MLANA: variants seen among roughly 807,000 people sequenced by gnomAD.
MLANA encodes the protein melan-A.
In MLANA, 21 loss-of-function variants were observed where a neutral mutation model predicts 15.7. That is an observed-to-expected ratio of 1.33 (90% CI 0.95 to 1.92). MLANA has a LOEUF of 1.92. MLANA is among the 40% of genes most tolerant of loss of function. The probability of loss-of-function intolerance (pLI) is 0.00; values close to 1 mark genes in which losing one functional copy is unlikely to be tolerated. For synonymous variants in MLANA, 56 were observed against 51.5 expected (o/e 1.09, Z -0.37); for missense variants, 164 against 143.8 (o/e 1.14, Z -0.72).
intron 1 of MLANA, chr9:5,891,298 T>A (rs553289471): frequency 6.6e-6 from 1 of 152,326 alleles, no homozygotes; most frequent in Non-Finnish European, 1.5e-5. Flanking sequence ...GGCTCTGAGT[T>A]TGAGGTATGG....
intron 2 of MLANA, among the ~76,000 whole-genome samples, chr9:5,895,480 T>C (rs749271568): frequency 8.5e-5 from 13 of 152,112 alleles, no homozygotes; most frequent in Non-Finnish European, 1.9e-4. Context: ...AGAATATTTA[T>C]CCTTCTCACA....
At chr9:5,895,643 G>T (rs1831965286) in intron 2 of MLANA, among the ~76,000 whole-genome samples, 1 of 152,220 alleles carries the variant, frequency 6.6e-6, no homozygotes, top group South Asian at 2.1e-4. Context: ...AGTCATCCAT[G>T]GAACTTGTTA....
At chr9:5,904,585 G>C (rs907472231) in intron 3 of MLANA, among the ~76,000 whole-genome samples, 3 of 152,014 alleles carry the variant, frequency 2.0e-5, no homozygotes, top group Non-Finnish European at 4.4e-5. Flanking sequence ...TGATTCTCCT[G>C]TCTCAGCCTC....
intron 2 of MLANA, among the ~76,000 whole-genome samples, chr9:5,895,430 T>TG (rs1231169567): frequency 2.0e-5 from 3 of 152,012 alleles, no homozygotes; most frequent in African/African-American, 7.2e-5. Context: ...TCCTGCACAA[T>TG]GGGGCAATCT....
rs1288005581 is a variant in MLANA, at chr9:5,894,285, G to C, written c.77+1734G>C. On this transcript the variant is annotated intron_variant, in intron 2 of 4. Coordinates refer to ENST00000381477, the MANE Select transcript of MLANA (RefSeq NM_005511.2). This position sits in a 1 kb window ranked among gnomAD's most constrained non-coding sequence, Gnocchi z 4.0. ...TGAACAAGGTAACTTTCAGGGTCTAGTCAGGAAGAAACCAACTAGATGGTT... is the reference window on the plus strand; with the variant it reads ...TGAACAAGGTAACTTTCAGGGTCTACTCAGGAAGAAACCAACTAGATGGTT... Among the ~76,000 whole-genome samples, 1 of 152,120 alleles carries C rather than the reference G, an allele frequency of 6.6e-6. No homozygotes were observed. Among genetic ancestry groups the C allele is most frequent in the Non-Finnish European group, 1.5e-5 (1 of 68,022 alleles).
rs1340381980 is a variant in MLANA, at chr9:5,906,872, A to G, written c.175-13A>G. 2 of 1,525,878 alleles carry G rather than the reference A, an allele frequency of 1.3e-6. No individual in the cohort carries two copies. The highest frequency in any genetic ancestry group is 2.9e-5 in the African/African-American group (2 of 70,166). The allele number at this position is 1,525,878 out of a possible 1,614,324, so 94.5% of individuals were successfully genotyped here. ...TCTTCTCACCCACTCACCTTTATCA[A>G]TTTACATTTCAGGATAAAAGTCTTC... On this transcript the variant is annotated splice_polypyrimidine_tract_variant and intron_variant, in intron 3 of 4. Transcript: ENST00000381477.
Position 5,892,508 on chromosome 9 carries a change from T to G in MLANA, c.34T>G (p.Tyr12Asp), listed in dbSNP as rs1248291353. 6.2e-7 allele frequency: 1 copy of G among 1,613,784 alleles called. No individual in the cohort carries two copies. The highest frequency in any genetic ancestry group is 8.5e-7 in the Non-Finnish European group (1 of 1,179,920). ...AGAAGATGCTCACTTCATCTATGGTTACCCCAAGAAGGGGCACGGCCACTC... is the reference window on the plus strand; with the variant it reads ...AGAAGATGCTCACTTCATCTATGGTGACCCCAAGAAGGGGCACGGCCACTC... ...PREDAHFIYGYPKKGHGHSYT... is the reference protein window; with the variant it reads ...PREDAHFIYGDPKKGHGHSYT... Residue 12 changes from tyrosine to aspartate, a missense_variant, in exon 2 of 5, where the codon TAC (tyrosine) becomes GAC (aspartate). Tyr to Asp is a radical substitution (Grantham distance 160). Coordinates refer to ENST00000381477, the MANE Select transcript of MLANA (RefSeq NM_005511.2).
intron 3 of MLANA, among the ~76,000 whole-genome samples, chr9:5,906,343 GA>G (rs1441968284): frequency 5.0e-5 from 7 of 140,652 alleles, no homozygotes; most frequent in Non-Finnish European, 9.3e-5. Context: ...AAAAAAAAAA[GA>G]AAAGAAAAGA....
At chr9:5,897,042 T>C (rs1464201520) in intron 2 of MLANA, among the ~76,000 whole-genome samples, 3 of 152,230 alleles carry the variant, frequency 2.0e-5, no homozygotes, top group Non-Finnish European at 4.4e-5. Flanking sequence ...CTGCCTTTTA[T>C]TTCCTCTTCT....
At chr9:5,908,378 G>A (rs1004970985) in intron 4 of MLANA, among the ~76,000 whole-genome samples, 1 of 152,138 alleles carries the variant, frequency 6.6e-6, no homozygotes, top group African/African-American at 2.4e-5. Context: ...GACTTTTACT[G>A]TCATGGAAAA....
Position 5,909,666 on chromosome 9 carries a change from G to A in MLANA, c.*958G>A, listed in dbSNP as rs1833044912. The A allele has an allele frequency of 6.6e-6, 1 of 152,200 alleles. No homozygotes were observed. Among genetic ancestry groups the A allele is most frequent in the South Asian group, 2.1e-4 (1 of 4,822 alleles). The allele number at this position is 152,200 out of a possible 1,614,324, so 9.4% of individuals were successfully genotyped here. ...GTATTTTCTACTAAACCAGAAATTGGTAGAAGGATTTAAATAAGTAAAAGC... is the reference window on the plus strand; with the variant it reads ...GTATTTTCTACTAAACCAGAAATTGATAGAAGGATTTAAATAAGTAAAAGC... On this transcript the variant is annotated 3_prime_UTR_variant, in exon 5 of 5. Coordinates refer to ENST00000381477, the MANE Select transcript of MLANA (RefSeq NM_005511.2).
intron 3 of MLANA, among the ~76,000 whole-genome samples, chr9:5,903,515 C>T (rs921450991): frequency 2.2e-4 from 33 of 152,214 alleles, no homozygotes; most frequent in African/African-American, 7.7e-4. Context: ...GTAATGTTGG[C>T]CTCATACAAT....
intron 4 of MLANA, 83 bp from the exon 5 acceptor site, chr9:5,908,557 A>ATC: frequency 8.5e-7 from 1 of 1,181,064 alleles, no homozygotes; most frequent in Non-Finnish European, 1.3e-6. Flanking sequence ...AAGTATAAAT[A>ATC]TGTTAACTAT....
Position 5,897,552 on chromosome 9 carries a change from G to A in MLANA, c.78-5G>A, listed in dbSNP as rs759485091. The A allele has an allele frequency of 5.1e-5, 82 of 1,613,642 alleles. 1 individual carries two copies. In the Admixed American group the frequency reaches 1.3e-3, roughly 27 times the overall value. On this transcript the variant is annotated splice_region_variant and splice_polypyrimidine_tract_variant and intron_variant, in intron 2 of 4. Coordinates refer to ENST00000381477, the MANE Select transcript of MLANA (RefSeq NM_005511.2). ...CAAAGTGGATTTGTCTATCTCTTGG[G>A]CCAGGGCCGCTGGGATCGGCATCCT... is the stretch of plus-strand genomic sequence containing the variant.
intron 3 of MLANA, among the ~76,000 whole-genome samples, chr9:5,903,503 G>C (rs1832584561): frequency 6.6e-6 from 1 of 152,082 alleles, no homozygotes; most frequent in Admixed American, 6.5e-5. Context: ...TTTGATATTA[G>C]GGTAATGTTG....
chr9:5,896,603 C>G (rs1344807333), intron 2 of MLANA, among the ~76,000 whole-genome samples: 1 of 152,186 alleles, frequency 6.6e-6, no homozygotes, highest in African/African-American at 2.4e-5. Flanking sequence ...TCTGCAGAAA[C>G]TTTCTTAGCG....
chr9:5,893,604 T>C (rs1831801633), intron 2 of MLANA, among the ~76,000 whole-genome samples: 1 of 152,158 alleles, frequency 6.6e-6, no homozygotes, highest in African/African-American at 2.4e-5. Flanking sequence ...ACATACTCTT[T>C]GAGGGAGGGG....
chr9:5,906,658 T>G (rs1026055482), intron 3 of MLANA, among the ~76,000 whole-genome samples: 3 of 152,266 alleles, frequency 2.0e-5, no homozygotes, highest in Non-Finnish European at 4.4e-5. Context: ...CACTAGAGCT[T>G]TACTTCTAGT....
chr9:5,906,813 C>A lies in MLANA; in HGVS notation c.175-72C>A, dbSNP rs2129995645. On this transcript the variant is annotated intron_variant, in intron 3 of 4. Transcript: ENST00000381477. ...TTAAAACTCATTCTTAAAACTTTGGCTTCCTTCTCTTTTCTTTAATGGATT... is the reference window on the plus strand; with the variant it reads ...TTAAAACTCATTCTTAAAACTTTGGATTCCTTCTCTTTTCTTTAATGGATT... 4.0e-6 allele frequency: 4 copies of A among 994,378 alleles called. No individual in the cohort carries two copies. In the East Asian group the frequency reaches 8.5e-5, roughly 21 times the overall value. 61.6% of individuals were successfully genotyped at this position (994,378 alleles called of 1,614,324 possible).
Sources: allele counts gnomAD v4.1 joint callset (sites outside exome capture counted in the v4.1 genomes callset), GRCh38; gene constraint gnomAD v4.1.1; non-coding constraint Gnocchi (gnomAD v3.1); transcripts MANE v1.5; gene names NCBI Gene and HGNC (gene_info 2026-07-23, HGNC 2026-07-21).